The following SLC11A1 variants were observed in gnomAD, a reference collection of about 807,000 sequenced individuals.
SLC11A1 encodes solute carrier family 11 member 1, also known as natural resistance-associated macrophage protein 1.
SLC11A1 carries 59 observed loss-of-function variants against 63.2 expected under a neutral mutation model. The ratio of observed to expected loss-of-function variants is 0.93; its 90% CI spans 0.76 to 1.16. The LOEUF (loss-of-function observed/expected upper bound fraction) is 1.16, where lower values mean the gene tolerates loss of function less well. Among genes scored for constraint, SLC11A1 ranks in the 50% most tolerant of loss-of-function variants. SLC11A1 has a pLI of 0.00. For synonymous variants in SLC11A1, 305 were observed against 307.8 expected (o/e 0.99, Z 0.09); for missense variants, 688 against 730.7 (o/e 0.94, Z 0.67).
chr2:218,394,219 G>C lies in SLC11A1; in HGVS notation c.1388+26G>C, dbSNP rs1403183817. 1.9e-6 allele frequency: 3 copies of C among 1,606,550 alleles called. No individual in the cohort carries two copies. The East Asian group carries it at 6.7e-5, about 36-fold the overall frequency. On this transcript the variant is annotated intron_variant, in intron 13 of 14. Transcript: ENST00000233202. ...GTGAGTACCCCCTTTCCCAAGTGCT[G>C]GATTGCATCACCACATTTCATCCTC...
rs778349664 is a variant in SLC11A1 at position 218,390,019 on chromosome 2, C to T, written c.945C>T (p.Asn315=). The T allele has an allele frequency of 6.2e-7, 1 of 1,610,932 alleles. No individual in the cohort carries two copies. The highest frequency in any genetic ancestry group is 1.7e-5 in the Admixed American group (1 of 59,682). Residue 315 remains asparagine, a synonymous_variant, in exon 9 of 15, where the codon AAC becomes AAT. Transcript: ENST00000233202. ...GGCAGGCCTTCTACCAGAAAACCAA[C>T]CAGGCTGCGGTGAGACACACTTTCC... ...VFGQAFYQKT[N]QAAFNICANS...
In SLC11A1 at chr2:218,396,708, G is replaced by A. The variant is rs1360931560; in HGVS notation, c.*1673G>A. On this transcript the variant is annotated 3_prime_UTR_variant, in exon 15 of 15. Coordinates refer to ENST00000233202, the MANE Select transcript of SLC11A1 (RefSeq NM_000578.4). ...AGAAGATGGGTCCATGCCAGCTGAA[G>A]GAGGAGATGGATGGGGGACGTTTAG... 6.6e-6 allele frequency: 1 copy of A among 152,586 alleles called. No homozygotes were observed. Among genetic ancestry groups the A allele is most frequent in the African/African-American group, 2.4e-5 (1 of 41,440 alleles). 9.5% of individuals were successfully genotyped at this position (152,586 alleles called of 1,614,324 possible).
chr2:218,395,408 C>G lies in SLC11A1; in HGVS notation c.*373C>G, dbSNP rs564392149. ...CTTGAGGACTTGGGCGGGACACAGGCTCCAAACTGGAGCTTGAAATAGTGT... is the reference window on the plus strand; with the variant it reads ...CTTGAGGACTTGGGCGGGACACAGGGTCCAAACTGGAGCTTGAAATAGTGT... On this transcript the variant is annotated 3_prime_UTR_variant, in exon 15 of 15. Transcript: ENST00000233202. 5.0e-6 allele frequency: 1 copy of G among 201,130 alleles called. No homozygotes were observed. Among genetic ancestry groups the G allele is most frequent in the Non-Finnish European group, 1.0e-5 (1 of 98,468 alleles). 12.5% of individuals were successfully genotyped at this position (201,130 alleles called of 1,614,324 possible).
At chr2:218,393,219 C>A in intron 12 of SLC11A1, 89 bp downstream of exon 12, 1 of 1,277,244 alleles carries the variant, frequency 7.8e-7, no homozygotes. Context: ...CATGGGCCTG[C>A]CAGGCCCTGT....
chr2:218,382,691 T>G (rs1213465097), intron 1 of SLC11A1, among the ~76,000 whole-genome samples: 1 of 152,222 alleles, frequency 6.6e-6, no homozygotes, highest in Non-Finnish European at 1.5e-5. Flanking sequence ...CTTGCCCTTC[T>G]TAGAGCCTAG....
rs1695945061 is a variant in SLC11A1, at chr2:218,384,117, A to G, written c.151-126A>G. The G allele has an allele frequency of 2.0e-6, 2 of 1,011,924 alleles. No individual in the cohort carries two copies. Among genetic ancestry groups the G allele is most frequent in the South Asian group, 2.5e-5 (1 of 40,066 alleles). 62.7% of individuals were successfully genotyped at this position (1,011,924 alleles called of 1,614,324 possible). A position where few individuals can be genotyped will look rare whatever the true frequency, so the allele number is the denominator to read the frequency against. On this transcript the variant is annotated intron_variant, in intron 2 of 14. Transcript: ENST00000233202. The surrounding 1 kb of genome is among the most constrained non-coding windows in gnomAD (Gnocchi z 4.0). ...CATCCCTTGGGTGGCAGACCCAGGAATGGGCCATGGAGGGCAGGGCTGGGC... is the reference window on the plus strand; with the variant it reads ...CATCCCTTGGGTGGCAGACCCAGGAGTGGGCCATGGAGGGCAGGGCTGGGC...
At chr2:218,387,010 G>A in intron 5 of SLC11A1, 150 bp from the exon 6 acceptor site, 1 of 747,470 alleles carries the variant, frequency 1.3e-6, no homozygotes. Context: ...ACTGTTCTAT[G>A]CCACACTCCC....
chr2:218,384,993 G>C lies in SLC11A1; in HGVS notation c.274-154G>C. On this transcript the variant is annotated intron_variant, in intron 3 of 14. Transcript: ENST00000233202. The surrounding 1 kb of genome is among the most constrained non-coding windows in gnomAD (Gnocchi z 4.0). ...CCACCTTAGCCTTTTAAAGTGCTGG[G>C]ATTACAGGGTGAGCTACCAGCGCCC... is the stretch of plus-strand genomic sequence containing the variant. 6 of 933,086 alleles carry C rather than the reference G, an allele frequency of 6.4e-6. No individual in the cohort carries two copies. The highest frequency in any genetic ancestry group is 1.6e-5 in the South Asian group (1 of 62,740). The allele number at this position is 933,086 out of a possible 1,614,324, so 57.8% of individuals were successfully genotyped here. A position where few individuals can be genotyped will look rare whatever the true frequency, so the allele number is the denominator to read the frequency against.
At chr2:218,387,321 AC>A in intron 6 of SLC11A1, 91 bp downstream of exon 6, 1 of 1,280,612 alleles carries the variant, frequency 7.8e-7, no homozygotes, top group Non-Finnish European at 1.1e-6. Flanking sequence ...CTGGGAGCGC[AC>A]CTGAGCTCCC....
chr2:218,394,500 C>T, intron 13 of SLC11A1, 132 bp from the exon 14 acceptor site: 1 of 1,012,066 alleles, frequency 9.9e-7, no homozygotes, highest in Non-Finnish European at 1.5e-6. Flanking sequence ...CTGTCTGCTC[C>T]AGGTCCCACA....
Position 218,390,148 on chromosome 2 carries a change from T to C in SLC11A1, c.954+120T>C, listed in dbSNP as rs974491306. ...GAGTCTCTGCCCTGATGATCTTCCC[T>C]GTTGGCAGATATCATTCATTCAGCA... On this transcript the variant is annotated intron_variant, in intron 9 of 14. Transcript: ENST00000233202. The C allele has an allele frequency of 1.5e-5, 15 of 1,025,846 alleles. No individual in the cohort carries two copies. In the African/African-American group the frequency reaches 1.8e-4, roughly 13 times the overall value. The allele number at this position is 1,025,846 out of a possible 1,614,324, so 63.5% of individuals were successfully genotyped here. A position where few individuals can be genotyped will look rare whatever the true frequency, so the allele number is the denominator to read the frequency against.
At chr2:218,383,146 A>T in intron 2 of SLC11A1, 44 bp downstream of exon 2, 1 of 1,601,992 alleles carries the variant, frequency 6.2e-7, no homozygotes, top group East Asian at 2.2e-5. Flanking sequence ...GATTGACAGG[A>T]TCCTGAAGGA....
intron 9 of SLC11A1, among the ~76,000 whole-genome samples, chr2:218,390,824 G>A (rs1473221900): frequency 6.6e-6 from 1 of 152,116 alleles, no homozygotes; most frequent in Non-Finnish European, 1.5e-5. Context: ...AAAGAAGCTG[G>A]AAACTGGGTT....
At chr2:218,386,482 T>A (rs1451581263) in intron 4 of SLC11A1, among the ~76,000 whole-genome samples, 153 bp from the exon 5 acceptor site, 1 of 151,466 alleles carries the variant, frequency 6.6e-6, no homozygotes, top group African/African-American at 2.4e-5. Context: ...TATCTCTGCC[T>A]TTCCATCTCC....
At chr2:218,392,002 C>T (rs1444172927) in intron 11 of SLC11A1, 7 of 281,392 alleles carry the variant, frequency 2.5e-5, no homozygotes, top group South Asian at 8.3e-5. Flanking sequence ...GTGATCCGCC[C>T]GCCTTGGACT....
At position 218,386,207 on chromosome 2, in the gene SLC11A1, C is replaced by T. The variant is rs558353234; in HGVS notation, c.394-428C>T. The stretch of plus-strand genomic sequence containing the variant: ...GTGGCTCACGCCTGTAATCCCAGCA[C>T]TTTGGGAGGCCAAGGCGGGTGGATC... On this transcript the variant is annotated intron_variant, in intron 4 of 14. Transcript: ENST00000233202. Among the ~76,000 whole-genome samples the T allele has an allele frequency of 2.6e-5, 4 of 152,284 alleles. No individual in the cohort carries two copies. The East Asian group carries it at 5.8e-4, about 22-fold the overall frequency.
chr2:218,382,971 C>A lies in SLC11A1; in HGVS notation c.19C>A (p.Pro7Thr). 6.2e-7 allele frequency: 1 copy of A among 1,614,082 alleles called. No individual in the cohort carries two copies. Among genetic ancestry groups the A allele is most frequent in the South Asian group, 1.1e-5 (1 of 91,078 alleles). The change falls in exon 2 of 15, where the codon CCC becomes ACC. Residue 7 changes from proline to threonine, a missense_variant. Pro to Thr is a conservative substitution (Grantham distance 38). Transcript: ENST00000233202. ...ATGGGCCCCCACAGGTGACAAGGGT[C>A]CCCAAAGGCTAAGCGGGTCCAGCTA... is the stretch of plus-strand genomic sequence containing the variant. MTGDKG[P>T]QRLSGSSYGS...
chr2:218,383,281 G>T, intron 2 of SLC11A1, 179 bp downstream of exon 2: 1 of 637,046 alleles, frequency 1.6e-6, no homozygotes, highest in South Asian at 2.0e-5. Context: ...CTTAGCTGGG[G>T]TGCTTCAGTA....
intron 9 of SLC11A1, among the ~76,000 whole-genome samples, chr2:218,390,301 C>T (rs995580481): frequency 4.0e-5 from 6 of 151,596 alleles, no homozygotes; most frequent in African/African-American, 1.2e-4. Context: ...GGAATGAATA[C>T]CCAAGGGAAG....
Sources: allele counts gnomAD v4.1 joint callset (sites outside exome capture counted in the v4.1 genomes callset), GRCh38; gene constraint gnomAD v4.1.1; non-coding constraint Gnocchi (gnomAD v3.1); transcripts MANE v1.5; gene names NCBI Gene and HGNC (gene_info 2026-07-23, HGNC 2026-07-21).